CAMK4: variants seen among roughly 807,000 people sequenced by gnomAD.
The protein encoded by CAMK4 is calcium/calmodulin dependent protein kinase IV.
CAMK4 carries 22 observed loss-of-function variants against 44.9 expected under a neutral mutation model. The observed-to-expected ratio is 0.49, with a 90% CI of 0.35 to 0.70. The LOEUF is 0.70. Among genes scored for constraint, CAMK4 ranks in the 30% least tolerant of loss-of-function variants. The pLI, the probability that CAMK4 is intolerant of heterozygous loss-of-function variation, is 0.01. For missense variants in CAMK4, 498 were observed against 586.8 expected (o/e 0.85, Z 1.56); for synonymous variants, 218 against 215.4 (o/e 1.01, Z -0.11).
intron 1 of CAMK4, among the ~76,000 whole-genome samples, chr5:111,329,949 C>T (rs1749087591): frequency 6.6e-6 from 1 of 151,620 alleles, no homozygotes; most frequent in Non-Finnish European, 1.5e-5. Context: ...AGGATATCTG[C>T]TCCCACTACT....
intron 1 of CAMK4, among the ~76,000 whole-genome samples, chr5:111,254,384 T>C (rs940379437): frequency 2.0e-5 from 3 of 152,196 alleles, no homozygotes; most frequent in Admixed American, 1.3e-4. Context: ...CGCTGTGAGA[T>C]GATCCCAGAT....
chr5:111,317,513 T>C (rs1748475580), intron 1 of CAMK4, among the ~76,000 whole-genome samples: 1 of 152,180 alleles, frequency 6.6e-6, no homozygotes, highest in Non-Finnish European at 1.5e-5. Context: ...ATAAATAAAG[T>C]GCCTCAGCCA....
At chr5:111,253,589 G>A (rs1342191511) in intron 1 of CAMK4, among the ~76,000 whole-genome samples, 1 of 152,172 alleles carries the variant, frequency 6.6e-6, no homozygotes, top group African/African-American at 2.4e-5. Flanking sequence ...AAAAATGAAA[G>A]ACAATTTTTT....
intron 7 of CAMK4, among the ~76,000 whole-genome samples, chr5:111,456,756 G>C (rs528132069): frequency 7.7e-4 from 117 of 152,024 alleles, no homozygotes; most frequent in African/African-American, 2.7e-3. Context: ...ATTTTTACTA[G>C]GTAAATATGA....
intron 1 of CAMK4, among the ~76,000 whole-genome samples, chr5:111,225,628 C>A (rs1748152681): frequency 6.6e-6 from 1 of 152,040 alleles, no homozygotes; most frequent in Admixed American, 6.5e-5. Flanking sequence ...ATTTTTCATT[C>A]TCTTTTTGCT....
intron 4 of CAMK4, among the ~76,000 whole-genome samples, chr5:111,393,167 G>A (rs1015008111): frequency 6.6e-6 from 1 of 152,160 alleles, no homozygotes; most frequent in Non-Finnish European, 1.5e-5. Flanking sequence ...ACTTGAAACT[G>A]CTAATGACTT....
At position 111,475,687 on chromosome 5, in the gene CAMK4, T is replaced by C. The variant is rs78255253; in HGVS notation, c.701+2301T>C. Among the ~76,000 whole-genome samples, 1,049 of 152,350 alleles carry C rather than the reference T, an allele frequency of 6.9e-3. 3 individuals are homozygous for C. Among genetic ancestry groups the C allele is most frequent in the Non-Finnish European group, 0.011 (772 of 68,026 alleles). On this transcript the variant is annotated intron_variant, in intron 8 of 10. Transcript: ENST00000282356. ...TGCTTACAACTAATATTCTTTAGTT[T>C]TTGGCTAACTTCTGTCAGGCCCTAA... is the stretch of plus-strand genomic sequence containing the variant.
chr5:111,346,539 C>T (rs1363766089), intron 2 of CAMK4, among the ~76,000 whole-genome samples: 4 of 149,830 alleles, frequency 2.7e-5, no homozygotes, highest in African/African-American at 9.9e-5. Flanking sequence ...TATTTCCAAC[C>T]ATCTTGTTTT....
At chr5:111,382,189 T>C (rs977648978) in intron 4 of CAMK4, among the ~76,000 whole-genome samples, 1 of 152,166 alleles carries the variant, frequency 6.6e-6, no homozygotes, top group Non-Finnish European at 1.5e-5. Flanking sequence ...TATCTTTCCA[T>C]AGCATACACT....
intron 1 of CAMK4, among the ~76,000 whole-genome samples, chr5:111,296,191 T>C (rs1393986364): frequency 6.6e-6 from 1 of 152,246 alleles, no homozygotes; most frequent in Non-Finnish European, 1.5e-5. Flanking sequence ...GTATGCTTAT[T>C]GGCTGTGTTG....
intron 1 of CAMK4, among the ~76,000 whole-genome samples, chr5:111,303,616 T>A (rs1266163477): frequency 1.5e-5 from 2 of 132,484 alleles, no homozygotes; most frequent in African/African-American, 6.3e-5. Flanking sequence ...AATCTACGTC[T>A]GATTGGTGTA....
chr5:111,284,044 G>A lies in CAMK4; in HGVS notation c.161+59400G>A, dbSNP rs1353558115. Among the ~76,000 whole-genome samples the A allele has an allele frequency of 6.6e-5, 10 of 152,088 alleles. No individual in the cohort carries two copies. The South Asian group carries it at 8.3e-4, about 13-fold the overall frequency. On this transcript the variant is annotated intron_variant, in intron 1 of 10. Coordinates refer to ENST00000282356, the MANE Select transcript of CAMK4 (RefSeq NM_001744.6). ...TTTAAATATGGTGAAACTTTATTACGTAATTAAAACAAATCACTAAATTAA... is the reference window on the plus strand; with the variant it reads ...TTTAAATATGGTGAAACTTTATTACATAATTAAAACAAATCACTAAATTAA...
At chr5:111,340,814 A>C (rs191907183) in intron 1 of CAMK4, among the ~76,000 whole-genome samples, 3 of 151,078 alleles carry the variant, frequency 2.0e-5, no homozygotes, top group East Asian at 3.9e-4. Context: ...TTCAGCAGTG[A>C]AGCCTTTAGG....
chr5:111,352,184 G>A (rs1750138021), intron 2 of CAMK4, among the ~76,000 whole-genome samples: 2 of 151,986 alleles, frequency 1.3e-5, no homozygotes, highest in Non-Finnish European at 2.9e-5. Flanking sequence ...GCCAAGTGTT[G>A]ATAGCCTTAA....
rs1036792947 is a variant in CAMK4 at position 111,332,963 on chromosome 5, A to G, written c.162-11061A>G. Reference sequence around the variant, plus strand: ...TATTCGTTGAGTGGCAGCAATTAACAGGACTTATTAAGAACTGTGTTAATC... The same window carrying G: ...TATTCGTTGAGTGGCAGCAATTAACGGGACTTATTAAGAACTGTGTTAATC... On this transcript the variant is annotated intron_variant, in intron 1 of 10. Coordinates refer to ENST00000282356, the MANE Select transcript of CAMK4 (RefSeq NM_001744.6). Among the ~76,000 whole-genome samples the G allele has an allele frequency of 1.1e-4, 16 of 151,232 alleles. 1 individual carries two copies. The East Asian group carries it at 1.4e-3, about 13-fold the overall frequency.
intron 1 of CAMK4, among the ~76,000 whole-genome samples, chr5:111,314,057 C>G (rs184167426): frequency 3.1e-4 from 47 of 151,994 alleles, no homozygotes; most frequent in Non-Finnish European, 4.9e-4. Flanking sequence ...TCTGTAGAAG[C>G]CACTCCCCAA....
At chr5:111,404,109 T>A (rs542220901) in intron 5 of CAMK4, among the ~76,000 whole-genome samples, 6 of 152,164 alleles carry the variant, frequency 3.9e-5, no homozygotes, top group African/African-American at 7.2e-5. Flanking sequence ...GAATTTTATG[T>A]TGAATGGGTT....
In CAMK4 at chr5:111,236,967, C is replaced by G. The variant is rs1748758968; in HGVS notation, c.161+12323C>G. 2.6e-5 allele frequency among the ~76,000 whole-genome samples: 4 copies of G among 152,270 alleles called. No individual in the cohort carries two copies. The South Asian group carries it at 8.3e-4, about 32-fold the overall frequency. On this transcript the variant is annotated intron_variant, in intron 1 of 10. Transcript: ENST00000282356. ...GAAAATCAGCGGTACTTAAAACTGT[C>G]TTTCTTCAGGATGTTTTTTTCTATA...
rs1014059122 is a variant in CAMK4 at position 111,357,853 on chromosome 5, A to G, written c.240+13751A>G. On this transcript the variant is annotated intron_variant, in intron 2 of 10. Coordinates refer to ENST00000282356, the MANE Select transcript of CAMK4 (RefSeq NM_001744.6). ...TCACATGTTAACACAAAGCTCCCCA[A>G]GGAAGTATTTTTCTTATGAGAGTCT... is the stretch of plus-strand genomic sequence containing the variant. 16 of 152,210 alleles carry G rather than the reference A, an allele frequency of 1.1e-4. 1 individual carries two copies. In the East Asian group the frequency reaches 1.4e-3, roughly 13 times the overall value. The allele number at this position is 152,210 out of a possible 1,614,324, so 9.4% of individuals were successfully genotyped here. A position where few individuals can be genotyped will look rare whatever the true frequency, so the allele number is the denominator to read the frequency against.
Sources: allele counts gnomAD v4.1 joint callset (sites outside exome capture counted in the v4.1 genomes callset), GRCh38; gene constraint gnomAD v4.1.1; transcripts MANE v1.5; gene names NCBI Gene and HGNC (gene_info 2026-07-23, HGNC 2026-07-21).